BLTP3B: variants seen among roughly 807,000 people sequenced by gnomAD.
BLTP3B encodes UHRF1 (ICBP90) binding protein 1-like.
the BLTP3B span, among the ~76,000 whole-genome samples, chr12:100,136,254 A>G: frequency 6.6e-6 from 1 of 151,908 alleles, no homozygotes; most frequent in Admixed American, 6.6e-5. Context: ...GTAAATTTAT[A>G]ATCCAAAAAA....
At chr12:100,071,497 C>CAAACA in the BLTP3B span, among the ~76,000 whole-genome samples, 2 of 78,716 alleles carry the variant, frequency 2.5e-5, no homozygotes, top group Non-Finnish European at 4.9e-5. Flanking sequence ...ACTATGTCTC[C>CAAACA]AAAAAAAAAA....
the BLTP3B span, chr12:100,058,096 C>T: frequency 3.1e-6 from 5 of 1,609,388 alleles, no homozygotes; most frequent in African/African-American, 6.7e-5. Flanking sequence ...TCCAGGTTTT[C>T]AGAGAGTGAA....
chr12:100,040,774 C>T, the BLTP3B span, among the ~76,000 whole-genome samples: 1 of 152,122 alleles, frequency 6.6e-6, no homozygotes, highest in African/African-American at 2.4e-5. Flanking sequence ...CCTAAATAGC[C>T]TCAAGAAGAC....
chr12:100,059,149 T>C, the BLTP3B span: 3 of 1,614,136 alleles, frequency 1.9e-6, no homozygotes, highest in South Asian at 3.3e-5. Context: ...CCTTTTCCAC[T>C]TTTCATCCCT....
the BLTP3B span, among the ~76,000 whole-genome samples, chr12:100,071,331 T>A: frequency 2.0e-5 from 3 of 151,750 alleles, no homozygotes; most frequent in Non-Finnish European, 4.4e-5. Flanking sequence ...ACCCTATCTC[T>A]ATCAAAAACA....
the BLTP3B span, among the ~76,000 whole-genome samples, chr12:100,119,897 GCA>G: frequency 1.3e-5 from 2 of 152,038 alleles, no homozygotes; most frequent in Non-Finnish European, 2.9e-5. Context: ...AACAAAAAAT[GCA>G]CAAATCATAG....
At chr12:100,140,312 A>C in the BLTP3B span, among the ~76,000 whole-genome samples, 1 of 152,068 alleles carries the variant, frequency 6.6e-6, no homozygotes, top group South Asian at 2.1e-4. Context: ...ATATGAAATA[A>C]CTGAAAACTC....
At chr12:100,076,229 A>C in the BLTP3B span, among the ~76,000 whole-genome samples, 2 of 152,004 alleles carry the variant, frequency 1.3e-5, no homozygotes, top group Admixed American at 1.3e-4. Flanking sequence ...TTCAACCAAT[A>C]AAGTTTTATC....
the BLTP3B span, among the ~76,000 whole-genome samples, chr12:100,063,104 G>A: frequency 3.3e-5 from 5 of 152,184 alleles, no homozygotes; most frequent in Non-Finnish European, 7.3e-5. Context: ...GACTCGGATG[G>A]ACGTAGCAGT....
the BLTP3B span, among the ~76,000 whole-genome samples, chr12:100,081,045 GCT>G: frequency 1.3e-4 from 20 of 152,026 alleles, no homozygotes; most frequent in Non-Finnish European, 2.5e-4. Flanking sequence ...CCCTGCACAA[GCT>G]CTCTCTTTGC....
At chr12:100,137,510 G>A in the BLTP3B span, among the ~76,000 whole-genome samples, 24 of 152,100 alleles carry the variant, frequency 1.6e-4, no homozygotes, top group African/African-American at 5.8e-4. Context: ...TAGAGACAGA[G>A]TTTTCATCAT....
At chr12:100,125,688 CAGA>C in the BLTP3B span, among the ~76,000 whole-genome samples, 1 of 152,110 alleles carries the variant, frequency 6.6e-6, no homozygotes, top group Non-Finnish European at 1.5e-5. Context: ...ATTGAAATAT[CAGA>C]AGATCTGACA....
At chr12:100,047,883 T>C in the BLTP3B span, 5 of 1,316,880 alleles carry the variant, frequency 3.8e-6, no homozygotes, top group Non-Finnish European at 5.0e-6. Flanking sequence ...TTCTTAGACA[T>C]GAATGAAAGT....
At chr12:100,088,043 A>G in the BLTP3B span, among the ~76,000 whole-genome samples, 1 of 152,174 alleles carries the variant, frequency 6.6e-6, no homozygotes, top group African/African-American at 2.4e-5. Flanking sequence ...GGAATCTTTT[A>G]GGCTGCCTTG....
the BLTP3B span, among the ~76,000 whole-genome samples, chr12:100,082,464 C>T: frequency 3.9e-5 from 6 of 152,098 alleles, no homozygotes; most frequent in African/African-American, 1.2e-4. Context: ...AGATCTTGGC[C>T]GAGGCCAATC....
At chr12:100,137,841 G>GC in the BLTP3B span, among the ~76,000 whole-genome samples, 1 of 152,136 alleles carries the variant, frequency 6.6e-6, no homozygotes, top group African/African-American at 2.4e-5. Context: ...TATTACAGAT[G>GC]ACTAATGGAG....
At chr12:100,134,720 C>T in the BLTP3B span, among the ~76,000 whole-genome samples, 77 of 152,264 alleles carry the variant, frequency 5.1e-4, no homozygotes, top group South Asian at 0.014. Flanking sequence ...TCCAATTTTC[C>T]GATTTAGTTA....
the BLTP3B span, among the ~76,000 whole-genome samples, chr12:100,077,254 C>G: frequency 6.6e-6 from 1 of 151,992 alleles, no homozygotes; most frequent in Non-Finnish European, 1.5e-5. Context: ...ATAACTGCTA[C>G]GGTATTCAAT....
chr12:100,037,444 A>C, the BLTP3B span: 57 of 1,337,350 alleles, frequency 4.3e-5, no homozygotes, highest in African/African-American at 6.4e-4. Context: ...AACACAAAAC[A>C]ACCAAAAGAT....
Sources: allele counts gnomAD v4.1 joint callset (sites outside exome capture counted in the v4.1 genomes callset), GRCh38; gene constraint gnomAD v4.1.1; transcripts MANE v1.5; gene names NCBI Gene and HGNC (gene_info 2026-07-23, HGNC 2026-07-21).